Variants in SNAP91 observed in about 807,000 individuals in gnomAD.
The protein encoded by SNAP91 is clathrin coat assembly protein AP180.
A neutral mutation model predicts 100.3 loss-of-function variants in SNAP91; 27 were observed. The ratio of observed to expected loss-of-function variants is 0.27; its 90% CI spans 0.20 to 0.37. The LOEUF (loss-of-function observed/expected upper bound fraction) is 0.37, where lower values mean the gene tolerates loss of function less well. Ranked by LOEUF, SNAP91 falls within the 10% of genes least tolerant of loss-of-function variation. SNAP91 has a pLI of 1.00. For synonymous variants in SNAP91, 404 were observed against 398.6 expected (o/e 1.01, Z -0.16); for missense variants, 986 against 1,123.7 (o/e 0.88, Z 1.75).
chr6:83,620,845 G>T (rs1185838108), intron 9 of SNAP91, among the ~76,000 whole-genome samples: 1 of 151,722 alleles, frequency 6.6e-6, no homozygotes, highest in Non-Finnish European at 1.5e-5. Flanking sequence ...CCAAGTAGCC[G>T]GGACTACAGG....
chr6:83,617,423 C>G (rs2096542745), intron 9 of SNAP91, among the ~76,000 whole-genome samples: 1 of 151,874 alleles, frequency 6.6e-6, no homozygotes, highest in Non-Finnish European at 1.5e-5. Flanking sequence ...TGCCCAAATA[C>G]AAATTTACAG....
At chr6:83,689,181 G>C (rs1018817165) in intron 2 of SNAP91, among the ~76,000 whole-genome samples, 2 of 152,152 alleles carry the variant, frequency 1.3e-5, no homozygotes, top group African/African-American at 4.8e-5. Context: ...ACCACCCAAA[G>C]AAAGGGAAGC....
intron 9 of SNAP91, 84 bp from the exon 10 acceptor site, chr6:83,617,123 G>C (rs2096529215): frequency 1.2e-6 from 1 of 821,698 alleles, no homozygotes; most frequent in East Asian, 2.9e-5. Flanking sequence ...CTGTATGGTG[G>C]AAGTCTGTGG....
Position 83,575,135 on chromosome 6 carries a change from T to C in SNAP91, c.2331-14A>G, listed in dbSNP as rs1314403694. 4.5e-6 allele frequency: 7 copies of C among 1,555,208 alleles called. No individual in the cohort carries two copies. Among genetic ancestry groups the C allele is most frequent in the Non-Finnish European group, 6.2e-6 (7 of 1,132,576 alleles). On this transcript the variant is annotated splice_polypyrimidine_tract_variant and intron_variant, in intron 25 of 29. Transcript: ENST00000369694. Reference sequence around the variant, plus strand: ...TGAAGATCTCCCCTAAAATTAACCATGCAAAACAAGCAAACAAACAAAAAA... The same window carrying C: ...TGAAGATCTCCCCTAAAATTAACCACGCAAAACAAGCAAACAAACAAAAAA...
intron 26 of SNAP91, among the ~76,000 whole-genome samples, chr6:83,564,674 C>G (rs1469996648): frequency 6.6e-6 from 1 of 151,954 alleles, no homozygotes; most frequent in Non-Finnish European, 1.5e-5. Flanking sequence ...CAGAATAGTC[C>G]TTTAAACAAA....
chr6:83,660,780 C>CTTTTTTT (rs113422614), intron 5 of SNAP91, among the ~76,000 whole-genome samples: 1 of 146,004 alleles, frequency 6.8e-6, no homozygotes. Context: ...TATTTTCCAT[C>CTTTTTTT]TTTTTTTTTT....
chr6:83,655,134 T>C (rs1011900187), intron 7 of SNAP91, among the ~76,000 whole-genome samples: 3 of 152,152 alleles, frequency 2.0e-5, no homozygotes, highest in African/African-American at 7.2e-5. Context: ...TCCATGAAAA[T>C]TCAGAGACCA....
chr6:83,560,767 G>T, intron 27 of SNAP91, 97 bp downstream of exon 27: 1 of 1,074,520 alleles, frequency 9.3e-7, no homozygotes, highest in Non-Finnish European at 1.4e-6. Context: ...ACTGTGTTTT[G>T]GGAAAAATTA....
At chr6:83,676,841 G>A (rs2098913739) in intron 2 of SNAP91, among the ~76,000 whole-genome samples, 1 of 152,142 alleles carries the variant, frequency 6.6e-6, no homozygotes, top group African/African-American at 2.4e-5. Context: ...CAGGTGAGTG[G>A]TGTTAATGAG....
In SNAP91 at chr6:83,563,542, G is replaced by C. The variant is rs570580967; in HGVS notation, c.2443-2595C>G. The stretch of plus-strand genomic sequence containing the variant: ...AAAAGCAAGAAATGGCATCCAGGTG[G>C]GAAAGAAAGAATGAAACTATCTCTA... On this transcript the variant is annotated intron_variant, in intron 26 of 29. Coordinates refer to ENST00000369694, the MANE Select transcript of SNAP91 (RefSeq NM_001242792.2). Among the ~76,000 whole-genome samples, 3 of 152,186 alleles carry C rather than the reference G, an allele frequency of 2.0e-5. No individual in the cohort carries two copies. The South Asian group carries it at 6.2e-4, about 32-fold the overall frequency.
rs544549480 is a variant in SNAP91 at position 83,627,637 on chromosome 6, T to C, written c.766-4295A>G. 2.0e-4 allele frequency among the ~76,000 whole-genome samples: 30 copies of C among 152,152 alleles called. 1 individual carries two copies. Among genetic ancestry groups the C allele is most frequent in the African/African-American group, 7.0e-4 (29 of 41,564 alleles). ...CCTCTAGATTTCTACTTTGTGTTCA[T>C]AGAGGTTTTCGTAGTAGTCTAGAGG... On this transcript the variant is annotated intron_variant, in intron 8 of 29. Coordinates refer to ENST00000369694, the MANE Select transcript of SNAP91 (RefSeq NM_001242792.2).
intron 11 of SNAP91, among the ~76,000 whole-genome samples, chr6:83,612,253 G>A (rs372278686): frequency 3.9e-5 from 6 of 152,028 alleles, no homozygotes; most frequent in East Asian, 1.9e-4. Flanking sequence ...TATACTGTCC[G>A]TGTCAAAGGG....
chr6:83,628,222 C>CATATATATATATATATATAT (rs57893971), intron 8 of SNAP91, among the ~76,000 whole-genome samples: 1,487 of 124,346 alleles, frequency 0.012, 42 homozygotes, highest in African/African-American at 0.022. Context: ...TTCCATTTTA[C>CATATATATATATATATATAT]ATATATATAT....
Position 83,593,003 on chromosome 6 carries a change from G to T in SNAP91, c.1789C>A (p.Pro597Thr). 1 of 1,582,808 alleles carries T rather than the reference G, an allele frequency of 6.3e-7. No individual in the cohort carries two copies. Among genetic ancestry groups the T allele is most frequent in the East Asian group, 2.3e-5 (1 of 43,372 alleles). The change falls in exon 20 of 30, where the codon CCA becomes ACA. Residue 597 changes from proline (P) to threonine (T), a missense_variant. Pro to Thr is a conservative substitution (Grantham distance 38, BLOSUM62 -1). This residue lies in a region of SNAP91 where 575 missense variants were observed against 579.9 expected (regional missense o/e 0.99). Transcript: ENST00000369694. ...GGCACAGGAGAGGCCCCTTGTGGTG[G>T]AGAGGAGAAAGCATCTTCCAAAAGT... Reference protein sequence around the residue: ...DLFSTDAFSSPPQGASPVPES... With the variant: ...DLFSTDAFSSTPQGASPVPES...
chr6:83,643,710 C>G (rs1376951687), intron 7 of SNAP91, among the ~76,000 whole-genome samples: 1 of 152,150 alleles, frequency 6.6e-6, no homozygotes, highest in African/African-American at 2.4e-5. Flanking sequence ...ACACAAAGAA[C>G]TAATTATCAA....
At chr6:83,566,274 G>A (rs1224239337) in intron 26 of SNAP91, among the ~76,000 whole-genome samples, 4 of 152,002 alleles carry the variant, frequency 2.6e-5, no homozygotes, top group Non-Finnish European at 5.9e-5. Flanking sequence ...TAATGGTGAT[G>A]GTTTCACAAT....
chr6:83,559,998 G>A, intron 28 of SNAP91, 106 bp downstream of exon 28: 2 of 897,104 alleles, frequency 2.2e-6, no homozygotes, highest in Non-Finnish European at 3.6e-6. Flanking sequence ...GAAGCAACAG[G>A]TATGAGGATT....
intron 2 of SNAP91, among the ~76,000 whole-genome samples, chr6:83,669,443 G>C (rs1351566290): frequency 6.6e-6 from 1 of 151,768 alleles, no homozygotes; most frequent in Non-Finnish European, 1.5e-5. Flanking sequence ...ATTTGAACTT[G>C]GGAAGATATA....
intron 7 of SNAP91, among the ~76,000 whole-genome samples, chr6:83,652,882 T>A (rs2098263943): frequency 6.6e-6 from 1 of 152,176 alleles, no homozygotes; most frequent in Non-Finnish European, 1.5e-5. Context: ...CTAGGTTAAG[T>A]GGGTTGTCTC....
Sources: gnomAD v4.1 joint callset for allele counts (sites outside exome capture counted in the v4.1 genomes callset) on GRCh38, gnomAD v4.1.1 for gene constraint, gnomAD v4.1.1 regional missense constraint, MANE v1.5 for transcripts, NCBI Gene and HGNC (gene_info 2026-07-23, HGNC 2026-07-21) for gene names.